Variants in CADPS observed in about 807,000 individuals in gnomAD.
CADPS encodes the protein calcium-dependent secretion activator 1.
A neutral mutation model predicts 167.3 loss-of-function variants in CADPS; 57 were observed. The observed-to-expected ratio is 0.34, with a 90% confidence interval of 0.28 to 0.42. The LOEUF is 0.42. Among genes scored for constraint, CADPS ranks in the 20% least tolerant of loss-of-function variants. CADPS has a pLI of 1.00. For synonymous variants in CADPS, 676 were observed against 635.3 expected, an observed-to-expected ratio of 1.06 and a Z score of -0.96; for missense variants, 1,414 against 1,738.1, an observed-to-expected ratio of 0.81 and a Z score of 3.32.
intron 29 of CADPS, among the ~76,000 whole-genome samples, chr3:62,401,279 GC>G: frequency 6.6e-6 from 1 of 152,094 alleles, no homozygotes; most frequent in East Asian, 1.9e-4. Context: ...CATAATTGTT[GC>G]CAGAATATGA....
chr3:62,647,273 G>A (rs1361647952), intron 5 of CADPS, among the ~76,000 whole-genome samples: 1 of 152,118 alleles, frequency 6.6e-6, no homozygotes, highest in Non-Finnish European at 1.5e-5. Flanking sequence ...AGTACAATAG[G>A]GTTAGCATTG....
At chr3:62,652,402 A>G (rs1451417650) in intron 4 of CADPS, among the ~76,000 whole-genome samples, 1 of 22,304 alleles carries the variant, frequency 4.5e-5, no homozygotes, top group African/African-American at 2.0e-4. Flanking sequence ...GTGTGGCCAA[A>G]AAAAAAAAAA....
chr3:62,831,317 C>G (rs1288516304), intron 1 of CADPS, among the ~76,000 whole-genome samples: 1 of 152,296 alleles, frequency 6.6e-6, no homozygotes, highest in Non-Finnish European at 1.5e-5. Flanking sequence ...CAAAGTCATA[C>G]AGCTAATAAC....
intron 8 of CADPS, among the ~76,000 whole-genome samples, chr3:62,577,049 T>C (rs2082430664): frequency 6.6e-6 from 1 of 151,878 alleles, no homozygotes; most frequent in African/African-American, 2.4e-5. Context: ...TACAAAGGAT[T>C]AAAAAAAGAA....
chr3:62,758,736 T>C (rs1470323703), intron 2 of CADPS, among the ~76,000 whole-genome samples: 1 of 152,214 alleles, frequency 6.6e-6, no homozygotes, highest in African/African-American at 2.4e-5. Flanking sequence ...CAGGTCATAA[T>C]GAGAGATGGA....
At chr3:62,796,642 G>A (rs2093427831) in intron 1 of CADPS, among the ~76,000 whole-genome samples, 1 of 152,024 alleles carries the variant, frequency 6.6e-6, no homozygotes, top group Non-Finnish European at 1.5e-5. Flanking sequence ...TATTTATATG[G>A]GCATCATTTG....
intron 1 of CADPS, among the ~76,000 whole-genome samples, chr3:62,837,863 T>G (rs1006982369): frequency 2.2e-4 from 34 of 152,282 alleles, no homozygotes; most frequent in Non-Finnish European, 4.6e-4. Context: ...ACATAATGCA[T>G]GCAAGTCCAA....
chr3:62,410,577 T>C (rs2048775487), intron 28 of CADPS, among the ~76,000 whole-genome samples: 1 of 152,182 alleles, frequency 6.6e-6, no homozygotes, highest in Admixed American at 6.5e-5. Context: ...TGTGTTTGGA[T>C]CCTGACAAAT....
At position 62,601,246 on chromosome 3, in the gene CADPS, C is replaced by G. The variant is rs1274692121; in HGVS notation, c.1326-8498G>C. ...TATATGAAATTCAAATTTTGATGCC[C>G]ATCAATAACGTTTTATTAGAACATA... On this transcript the variant is annotated intron_variant, in intron 6 of 29. Coordinates refer to ENST00000383710, the MANE Select transcript of CADPS (RefSeq NM_003716.4). This position sits in a 1 kb window ranked among gnomAD's most constrained non-coding sequence, Gnocchi z 4.3. Among the ~76,000 whole-genome samples the G allele has an allele frequency of 2.0e-5, 3 of 152,108 alleles. No homozygotes were observed. The highest frequency in any genetic ancestry group is 7.2e-5 in the African/African-American group (3 of 41,400).
intron 28 of CADPS, among the ~76,000 whole-genome samples, chr3:62,430,662 A>T (rs1435513934): frequency 6.6e-6 from 1 of 152,048 alleles, no homozygotes; most frequent in Non-Finnish European, 1.5e-5. Flanking sequence ...TATATCTTAC[A>T]TACATACATA....
intron 6 of CADPS, among the ~76,000 whole-genome samples, chr3:62,594,949 T>G (rs2058710691): frequency 6.6e-6 from 1 of 152,212 alleles, no homozygotes; most frequent in African/African-American, 2.4e-5. Flanking sequence ...CTGGCCTATT[T>G]TATCATTGTT....
intron 1 of CADPS, among the ~76,000 whole-genome samples, chr3:62,829,929 C>T (rs988405214): frequency 6.6e-6 from 1 of 152,146 alleles, no homozygotes; most frequent in Non-Finnish European, 1.5e-5. Context: ...TGACCAACAG[C>T]CAACTTGTTG....
chr3:62,543,261 C>A (rs981971658), intron 11 of CADPS, among the ~76,000 whole-genome samples: 1 of 152,126 alleles, frequency 6.6e-6, no homozygotes, highest in Non-Finnish European at 1.5e-5. Context: ...ATTCCTGCAA[C>A]GTAGCAACTG....
intron 8 of CADPS, among the ~76,000 whole-genome samples, chr3:62,580,475 T>C (rs1228706500): frequency 3.3e-5 from 5 of 151,762 alleles, no homozygotes; most frequent in African/African-American, 7.3e-5. Flanking sequence ...TTAGGAGATA[T>C]ACCTAATGCT....
Position 62,562,939 on chromosome 3 carries a change from G to A in CADPS, c.1645-5426C>T, listed in dbSNP as rs563302507. ...TAAAGAAAAGTTTTCTCTGGGGCTGGTAAACTTTTGTAAGGCTTGAGCTGC... is the reference window on the plus strand; with the variant it reads ...TAAAGAAAAGTTTTCTCTGGGGCTGATAAACTTTTGTAAGGCTTGAGCTGC... On this transcript the variant is annotated intron_variant, in intron 9 of 29. Transcript: ENST00000383710. Among the ~76,000 whole-genome samples the A allele has an allele frequency of 2.6e-5, 4 of 152,328 alleles. No individual in the cohort carries two copies. In the South Asian group the frequency reaches 6.2e-4, roughly 24 times the overall value.
At chr3:62,518,064 T>C in intron 14 of CADPS, 85 bp downstream of exon 14, 1 of 864,746 alleles carries the variant, frequency 1.2e-6, no homozygotes, top group Non-Finnish European at 1.9e-6. Context: ...CTCTGGTAGA[T>C]TTACAGTTTT....
chr3:62,646,059 C>T (rs767032881), intron 5 of CADPS, among the ~76,000 whole-genome samples: 42 of 152,076 alleles, frequency 2.8e-4, no homozygotes, highest in Non-Finnish European at 4.7e-4. Context: ...CAAGGCTCAC[C>T]AATTCAAATG....
At chr3:62,689,541 C>T (rs771113438) in intron 3 of CADPS, among the ~76,000 whole-genome samples, 2 of 152,054 alleles carry the variant, frequency 1.3e-5, no homozygotes, top group Non-Finnish European at 2.9e-5. Flanking sequence ...AACTGAATCA[C>T]TGCTTTATAA....
intron 1 of CADPS, among the ~76,000 whole-genome samples, chr3:62,817,174 C>T (rs982292520): frequency 2.0e-5 from 3 of 152,028 alleles, no homozygotes; most frequent in African/African-American, 7.3e-5. Context: ...CCTTTGTAAA[C>T]ATCACGATAA....
Sources: allele counts gnomAD v4.1 joint callset (sites outside exome capture counted in the v4.1 genomes callset), GRCh38; gene constraint gnomAD v4.1.1; non-coding constraint Gnocchi (gnomAD v3.1); transcripts MANE v1.5; gene names NCBI Gene and HGNC (gene_info 2026-07-23, HGNC 2026-07-21).